The following FOXP2 variants were observed in gnomAD, a reference collection of about 807,000 sequenced individuals.
FOXP2 encodes forkhead box P2, also known as forkhead box protein P2.
Under a neutral mutation model 115.8 loss-of-function variants are expected in FOXP2, and 12 were observed. That is an observed-to-expected ratio of 0.10 (90% CI 0.07 to 0.17). The LOEUF (loss-of-function observed/expected upper bound fraction) is 0.17. Among genes scored for constraint, FOXP2 ranks in the 10% least tolerant of loss-of-function variants. The probability of loss-of-function intolerance (pLI) is 1.00; values close to 1 mark genes in which losing one functional copy is unlikely to be tolerated. For synonymous variants in FOXP2, 328 were observed against 297.7 expected, an observed-to-expected ratio of 1.10 and a Z score of -1.05; for missense variants, 629 against 843.5, an observed-to-expected ratio of 0.75 and a Z score of 3.15.
In FOXP2 at chr7:114,545,278, G is replaced by T. The variant is rs1799860173; in HGVS notation, c.258+10572G>T. ...CTTCAGGTTACTTCCAGATGCAACAGTTATTGAATCTCATCCCAGCACTAA... is the reference window on the plus strand; with the variant it reads ...CTTCAGGTTACTTCCAGATGCAACATTTATTGAATCTCATCCCAGCACTAA... On this transcript the variant is annotated intron_variant, in intron 3 of 16. Coordinates refer to ENST00000350908, the MANE Select transcript of FOXP2 (RefSeq NM_014491.4). Among the ~76,000 whole-genome samples the T allele has an allele frequency of 2.0e-5, 3 of 152,256 alleles. No homozygotes were observed. In the South Asian group the frequency reaches 6.2e-4, roughly 32 times the overall value.
chr7:114,612,880 C>T (rs1039114319), intron 3 of FOXP2, among the ~76,000 whole-genome samples: 8 of 152,238 alleles, frequency 5.3e-5, no homozygotes, highest in African/African-American at 1.9e-4. Flanking sequence ...AATCAGAATT[C>T]TTGCTTACTA....
At chr7:114,481,751 T>G (rs1295985461) in intron 2 of FOXP2, among the ~76,000 whole-genome samples, 1 of 149,050 alleles carries the variant, frequency 6.7e-6, no homozygotes, top group African/African-American at 2.5e-5. Context: ...GCAGATGATC[T>G]CATATGGAAA....
At position 114,425,662 on chromosome 7, in the gene FOXP2, A is replaced by G. The variant is rs1347600240; in HGVS notation, c.-10-840A>G. ...ATTAGTGATATTCTTGATAGATTTT[A>G]TTTCCAGCTTTCATATCTTATACAT... On this transcript the variant is annotated intron_variant, in intron 1 of 16. Coordinates refer to ENST00000350908, the MANE Select transcript of FOXP2 (RefSeq NM_014491.4). 1.1e-4 allele frequency among the ~76,000 whole-genome samples: 16 copies of G among 151,582 alleles called. No individual in the cohort carries two copies. The Admixed American group carries it at 1.1e-3, about 10-fold the overall frequency.
At chr7:114,264,965 C>A (rs1795859163) in intron 1 of FOXP2, among the ~76,000 whole-genome samples, 1 of 152,170 alleles carries the variant, frequency 6.6e-6, no homozygotes, top group South Asian at 2.1e-4. Flanking sequence ...ATGACCCAAG[C>A]ACTTCCCACC....
intron 10 of FOXP2, chr7:114,656,514 C>A: frequency 2.2e-6 from 1 of 453,992 alleles, no homozygotes; most frequent in Non-Finnish European, 4.4e-6. Context: ...TGCTCTTGTA[C>A]ATCCCAGAGA....
chr7:114,106,829 C>G (rs1244317921), intron 1 of FOXP2, among the ~76,000 whole-genome samples: 1 of 151,834 alleles, frequency 6.6e-6, no homozygotes, highest in African/African-American at 2.4e-5. Flanking sequence ...TTAAGATTGT[C>G]TCAGTTTTAT....
intron 3 of FOXP2, among the ~76,000 whole-genome samples, chr7:114,572,747 A>G (rs1801381995): frequency 1.3e-5 from 2 of 151,876 alleles, no homozygotes; most frequent in Non-Finnish European, 2.9e-5. Flanking sequence ...ACCATTTAAA[A>G]CAAATCTCTG....
intron 1 of FOXP2, among the ~76,000 whole-genome samples, chr7:114,146,243 T>A (rs1244115665): frequency 6.6e-6 from 1 of 152,234 alleles, no homozygotes; most frequent in African/African-American, 2.4e-5. Flanking sequence ...TGGTAATGAC[T>A]TTGAGCAGTA....
chr7:114,441,982 C>T (rs1198635288), intron 2 of FOXP2, among the ~76,000 whole-genome samples: 2 of 152,046 alleles, frequency 1.3e-5, no homozygotes, highest in African/African-American at 4.8e-5. Context: ...CACTATGTTA[C>T]TCAGTAATTA....
chr7:114,086,691 C>G (rs1320013992), upstream of FOXP2: 3 of 265,124 alleles, frequency 1.1e-5, no homozygotes, highest in Non-Finnish European at 1.5e-5. Flanking sequence ...CTGGGCCGAG[C>G]TGCGACTTTA....
intron 1 of FOXP2, among the ~76,000 whole-genome samples, chr7:114,147,154 G>A (rs1428869491): frequency 6.6e-6 from 1 of 152,080 alleles, no homozygotes; most frequent in African/African-American, 2.4e-5. Context: ...TTTATTCTTG[G>A]TTAAGTTATT....
intron 2 of FOXP2, among the ~76,000 whole-genome samples, chr7:114,388,196 T>A (rs1220638888): frequency 6.6e-6 from 1 of 152,128 alleles, no homozygotes; most frequent in African/African-American, 2.4e-5. Flanking sequence ...TTAAGGCAGG[T>A]GTCCTTCTCA....
intron 1 of FOXP2, among the ~76,000 whole-genome samples, chr7:114,224,169 T>A (rs563268114): frequency 2.0e-5 from 3 of 152,284 alleles, no homozygotes; most frequent in African/African-American, 7.2e-5. Flanking sequence ...GGTAAATTAG[T>A]CCACCTTTGA....
At chr7:114,090,826 A>G (rs1178755068) in intron 1 of FOXP2, among the ~76,000 whole-genome samples, 1 of 149,616 alleles carries the variant, frequency 6.7e-6, no homozygotes, top group African/African-American at 2.5e-5. Flanking sequence ...TTTTTTTTTC[A>G]TGAGGCTTAG....
At position 114,378,684 on chromosome 7, in the gene FOXP2, C is replaced by CAAAAAAAAAAAAAAAAA. The variant is rs398005920; in HGVS notation, c.-10-47817_-10-47801dup. 1.1e-3 allele frequency among the ~76,000 whole-genome samples: 19 copies of CAAAAAAAAAAAAAAAAA among 18,078 alleles called. 1 individual carries two copies. Among genetic ancestry groups the CAAAAAAAAAAAAAAAAA allele is most frequent in the African/African-American group, 2.8e-3 (15 of 5,272 alleles). 11.9% of individuals were successfully genotyped at this position (18,078 alleles called of 152,430 possible). On this transcript the variant is annotated intron_variant, in intron 2 of 17. Transcript: ENST00000634411. The stretch of plus-strand genomic sequence containing the variant: ...GTGAGACAATGTAAGACCCTGTCTC[C>CAAAAAAAAAAAAAAAAA]AAAAAAAAAAAAAAAAAGGAAAAGA...
chr7:114,523,571 G>A (rs1038154339), intron 2 of FOXP2, among the ~76,000 whole-genome samples: 2 of 152,142 alleles, frequency 1.3e-5, no homozygotes, highest in Non-Finnish European at 2.9e-5. Context: ...ATTTCTGAAA[G>A]GAAGGTGAAT....
chr7:114,436,937 C>T (rs186721281), intron 2 of FOXP2, among the ~76,000 whole-genome samples: 5 of 152,158 alleles, frequency 3.3e-5, no homozygotes, highest in East Asian at 3.9e-4. Flanking sequence ...TTAATTATTT[C>T]GATTAGCTTA....
chr7:114,477,987 G>T (rs1796361390), intron 2 of FOXP2, among the ~76,000 whole-genome samples: 1 of 151,748 alleles, frequency 6.6e-6, no homozygotes, highest in Non-Finnish European at 1.5e-5. Flanking sequence ...ATGATGAAGG[G>T]TTCTAGAGGG....
intron 2 of FOXP2, among the ~76,000 whole-genome samples, chr7:114,392,109 T>A (rs925225682): frequency 1.3e-5 from 2 of 152,128 alleles, no homozygotes; most frequent in Non-Finnish European, 2.9e-5. Context: ...CAAGAAGAAG[T>A]AAAGGATGCT....
Sources: gnomAD v4.1 joint callset for allele counts (sites outside exome capture counted in the v4.1 genomes callset) on GRCh38, gnomAD v4.1.1 for gene constraint, MANE v1.5 for transcripts, NCBI Gene and HGNC (gene_info 2026-07-23, HGNC 2026-07-21) for gene names.